The following GPC5 variants were observed in gnomAD, a reference collection of about 807,000 sequenced individuals.
GPC5 encodes glypican-5.
Under a neutral mutation model 53.9 loss-of-function variants are expected in GPC5, and 47 were observed. The observed-to-expected ratio is 0.87, with a 90% CI of 0.69 to 1.11. The LOEUF (loss-of-function observed/expected upper bound fraction) is 1.11. GPC5 is among the 50% of genes most tolerant of loss of function. The pLI, the probability that GPC5 is intolerant of heterozygous loss-of-function variation, is 0.00. For synonymous variants in GPC5, 286 were observed against 263.3 expected, an observed-to-expected ratio of 1.09 and a Z score of -0.84; for missense variants, 748 against 713.1, an observed-to-expected ratio of 1.05 and a Z score of -0.56.
At chr13:92,447,366 T>C (rs1316565553) in intron 7 of GPC5, 1 of 152,138 alleles carries the variant, frequency 6.6e-6, no homozygotes, top group Non-Finnish European at 1.5e-5. Context: ...ATGCAAGATA[T>C]GCACATTTAC....
intron 6 of GPC5, among the ~76,000 whole-genome samples, chr13:91,993,325 A>G (rs1056763702): frequency 1.3e-5 from 2 of 151,950 alleles, no homozygotes; most frequent in South Asian, 4.2e-4. Flanking sequence ...GTGTCACGTT[A>G]TGTTTACCCT....
At chr13:92,339,701 A>T (rs1042124087) in intron 7 of GPC5, 2 of 152,126 alleles carry the variant, frequency 1.3e-5, no homozygotes, top group Non-Finnish European at 2.9e-5. Flanking sequence ...AACCACTGCA[A>T]ATGCTGTGCT....
chr13:92,834,675 C>T (rs1878163856), intron 7 of GPC5, among the ~76,000 whole-genome samples: 2 of 152,038 alleles, frequency 1.3e-5, no homozygotes, highest in Non-Finnish European at 2.9e-5. Flanking sequence ...GCAATGTTGG[C>T]CTGAGAGACC....
intron 1 of GPC5, among the ~76,000 whole-genome samples, chr13:91,438,726 G>A (rs936213949): frequency 6.6e-5 from 10 of 152,110 alleles, no homozygotes; most frequent in East Asian, 1.9e-4. Flanking sequence ...AGGATTCTGC[G>A]CCTTGTGTTT....
chr13:92,533,133 T>A (rs1344144764), intron 7 of GPC5, among the ~76,000 whole-genome samples: 3 of 152,200 alleles, frequency 2.0e-5, no homozygotes, highest in African/African-American at 7.2e-5. Flanking sequence ...TCAAATTTTA[T>A]TACAGAATCC....
rs144143226 is a variant in GPC5 at position 92,248,125 on chromosome 13, A to G, written c.1561+103136A>G. Among the ~76,000 whole-genome samples the G allele has an allele frequency of 1.1e-3, 168 of 152,186 alleles. 1 individual carries two copies. The highest frequency in any genetic ancestry group is 1.6e-3 in the Non-Finnish European group (110 of 67,976). Reference sequence around the variant, plus strand: ...CAAGTCCACAGGGTGTGATATGGACATGAGGGAGATCTGTAGATGAATACT... The same window carrying G: ...CAAGTCCACAGGGTGTGATATGGACGTGAGGGAGATCTGTAGATGAATACT... On this transcript the variant is annotated intron_variant, in intron 7 of 7. Transcript: ENST00000377067.
intron 7 of GPC5, among the ~76,000 whole-genome samples, chr13:92,291,956 G>A (rs973311934): frequency 1.3e-5 from 2 of 152,118 alleles, no homozygotes; most frequent in African/African-American, 2.4e-5. Context: ...AACAAACTCC[G>A]GACACGCTGC....
chr13:92,234,060 G>C (rs144217835), intron 7 of GPC5, among the ~76,000 whole-genome samples: 5,561 of 152,202 alleles, frequency 0.037, 344 homozygotes, highest in African/African-American at 0.13. Flanking sequence ...GTCTATCATT[G>C]TTGGACATCT....
intron 7 of GPC5, among the ~76,000 whole-genome samples, chr13:92,399,658 A>G (rs1033866069): frequency 2.0e-5 from 3 of 152,164 alleles, no homozygotes. Flanking sequence ...CATTAGGCAT[A>G]TTGCAATATT....
intron 2 of GPC5, among the ~76,000 whole-genome samples, chr13:91,501,388 C>G (rs1401741973): frequency 1.3e-5 from 2 of 152,042 alleles, no homozygotes; most frequent in African/African-American, 4.8e-5. Flanking sequence ...AATGCTATCC[C>G]TACCCCCTCT....
At chr13:91,458,031 G>A (rs1478367597) in intron 2 of GPC5, among the ~76,000 whole-genome samples, 1 of 152,094 alleles carries the variant, frequency 6.6e-6, no homozygotes, top group Non-Finnish European at 1.5e-5. Context: ...AAAATATATA[G>A]AGCAGAGTGA....
intron 7 of GPC5, among the ~76,000 whole-genome samples, chr13:92,374,680 A>G (rs1046453768): frequency 9.4e-5 from 12 of 127,168 alleles, no homozygotes; most frequent in African/African-American, 2.9e-4. Flanking sequence ...AGGAAGGGGA[A>G]TATCACACTC....
intron 3 of GPC5, among the ~76,000 whole-genome samples, chr13:91,709,853 G>A (rs1306010315): frequency 6.6e-6 from 1 of 152,158 alleles, no homozygotes; most frequent in Non-Finnish European, 1.5e-5. Context: ...CTGGACCACA[G>A]CAATTGTCTC....
At chr13:91,977,185 A>G (rs143301381) in intron 6 of GPC5, among the ~76,000 whole-genome samples, 8 of 152,318 alleles carry the variant, frequency 5.3e-5, no homozygotes, top group Non-Finnish European at 1.2e-4. Context: ...TATGATATGT[A>G]AATAAATATG....
At chr13:91,951,455 G>T (rs528790878) in intron 6 of GPC5, among the ~76,000 whole-genome samples, 1 of 152,244 alleles carries the variant, frequency 6.6e-6, no homozygotes, top group South Asian at 2.1e-4. Flanking sequence ...ATGCAAACAA[G>T]TCTTCAGTGT....
chr13:92,729,728 G>A (rs1021608821), intron 7 of GPC5, among the ~76,000 whole-genome samples: 1 of 151,282 alleles, frequency 6.6e-6, no homozygotes, highest in African/African-American at 2.4e-5. Context: ...AATTGCTTAA[G>A]TCACAAAGTA....
intron 7 of GPC5, among the ~76,000 whole-genome samples, chr13:92,410,938 C>G (rs1336899111): frequency 1.3e-5 from 2 of 152,096 alleles, no homozygotes; most frequent in Non-Finnish European, 2.9e-5. Context: ...CTTTTCTTAA[C>G]AAAAGATTAC....
chr13:91,684,832 G>A (rs1163916675), intron 2 of GPC5, among the ~76,000 whole-genome samples: 1 of 152,104 alleles, frequency 6.6e-6, no homozygotes, highest in Non-Finnish European at 1.5e-5. Context: ...GATCTGTGGG[G>A]CCATCTGAAA....
At chr13:92,794,741 C>G (rs565034860) in intron 7 of GPC5, among the ~76,000 whole-genome samples, 8 of 152,182 alleles carry the variant, frequency 5.3e-5, no homozygotes, top group Middle Eastern at 3.4e-3. Flanking sequence ...ACACCAAAAA[C>G]AGATAAACAG....
Sources: gnomAD v4.1 joint callset for allele counts (sites outside exome capture counted in the v4.1 genomes callset) on GRCh38, gnomAD v4.1.1 for gene constraint, MANE v1.5 for transcripts, NCBI Gene and HGNC (gene_info 2026-07-23, HGNC 2026-07-21) for gene names.